Variants in TYW1 observed in about 807,000 individuals in gnomAD.
The protein encoded by TYW1 is S-adenosyl-L-methionine-dependent tRNA 4-demethylwyosine synthase TYW1.
Under a neutral mutation model 96.2 loss-of-function variants are expected in TYW1, and 46 were observed. That is an observed-to-expected ratio of 0.48 (90% confidence interval 0.38 to 0.61). The LOEUF (loss-of-function observed/expected upper bound fraction) is 0.61. Among genes scored for constraint, TYW1 ranks in the 20% least tolerant of loss-of-function variants. TYW1 has a pLI of 0.00. For missense variants in TYW1, 684 were observed against 909.6 expected, an observed-to-expected ratio of 0.75 and a Z score of 3.19; for synonymous variants, 274 against 323.0, an observed-to-expected ratio of 0.85 and a Z score of 1.63.
At chr7:67,066,029 A>C (rs1048876016) in intron 9 of TYW1, among the ~76,000 whole-genome samples, 4 of 118,658 alleles carry the variant, frequency 3.4e-5, no homozygotes, top group East Asian at 3.3e-4. Context: ...ACACACACAC[A>C]CACCCACACC....
chr7:67,001,343 T>C (rs1402269779), intron 3 of TYW1, among the ~76,000 whole-genome samples: 1 of 152,078 alleles, frequency 6.6e-6, no homozygotes, highest in Non-Finnish European at 1.5e-5. Flanking sequence ...TAGTTGATTT[T>C]GGGGTAGATA....
At chr7:67,226,110 T>G (rs1801553512) in intron 15 of TYW1, among the ~76,000 whole-genome samples, 1 of 152,096 alleles carries the variant, frequency 6.6e-6, no homozygotes, top group Non-Finnish European at 1.5e-5. Flanking sequence ...ATGAAAGAGA[T>G]CTCACCTAAC....
chr7:67,109,619 G>A (rs1005780016), intron 12 of TYW1, among the ~76,000 whole-genome samples: 47 of 152,200 alleles, frequency 3.1e-4, no homozygotes, highest in African/African-American at 1.1e-3. Context: ...AGTGGCTCAC[G>A]CCTGTAATCC....
intron 14 of TYW1, among the ~76,000 whole-genome samples, chr7:67,183,634 C>T (rs923055352): frequency 6.6e-6 from 1 of 152,120 alleles, no homozygotes; most frequent in Non-Finnish European, 1.5e-5. Context: ...CCCATCCAAC[C>T]ATCACTCACC....
chr7:67,075,227 T>G (rs1450212643), intron 10 of TYW1, among the ~76,000 whole-genome samples: 1 of 152,218 alleles, frequency 6.6e-6, no homozygotes, highest in Admixed American at 6.5e-5. Context: ...ATATTTACCA[T>G]TGTGTGTCTC....
At position 67,117,573 on chromosome 7, in the gene TYW1, T is replaced by C. The variant is rs778766741; in HGVS notation, c.1653T>C (p.Asp551=). ...LKKIDRPLFK[D]FWQRFLDSLK... is the part of the protein sequence containing the mutation. ...AAATCGACCGCCCACTCTTCAAGGATTTCTGGCAGAGATTCCTTGACAGTT... is the reference window on the plus strand; with the variant it reads ...AAATCGACCGCCCACTCTTCAAGGACTTCTGGCAGAGATTCCTTGACAGTT... The change falls in exon 13 of 16, where the codon GAT becomes GAC. Residue 551 remains aspartate, a synonymous_variant. Transcript: ENST00000359626. 5.6e-6 allele frequency: 9 copies of C among 1,614,044 alleles called. No homozygotes were observed. Among genetic ancestry groups the C allele is most frequent in the Non-Finnish European group, 5.1e-6 (6 of 1,179,970 alleles).
intron 12 of TYW1, among the ~76,000 whole-genome samples, chr7:67,103,024 A>G (rs1355319471): frequency 6.6e-6 from 1 of 152,188 alleles, no homozygotes; most frequent in East Asian, 1.9e-4. Context: ...AAGCAGGCAA[A>G]TTGTGTTGCA....
In TYW1 at chr7:67,055,870, C is replaced by A. The variant is rs746631801; in HGVS notation, c.1138C>A (p.Leu380Ile). ...QLIGSHSGVK[L>I]CRWTKSMLRG... ...GATTGGGAGCCACTCGGGGGTGAAG[C>A]TTTGCAGGTGGACAAAGGTATTTTT... is the stretch of plus-strand genomic sequence containing the variant. The change falls in exon 9 of 16, where the codon CTT becomes ATT. Residue 380 changes from leucine (L) to isoleucine (I), a missense_variant. Transcript: ENST00000359626. The A allele has an allele frequency of 1.2e-6, 2 of 1,612,668 alleles. No homozygotes were observed. The highest frequency in any genetic ancestry group is 1.1e-5 in the South Asian group (1 of 90,886).
At chr7:67,063,896 T>C (rs1168558858) in intron 9 of TYW1, among the ~76,000 whole-genome samples, 3 of 152,270 alleles carry the variant, frequency 2.0e-5, no homozygotes, top group African/African-American at 7.2e-5. Flanking sequence ...CCACTGTGCC[T>C]GGCCGTATTC....
At chr7:67,161,625 A>G (rs1051253426) in intron 13 of TYW1, among the ~76,000 whole-genome samples, 1 of 152,106 alleles carries the variant, frequency 6.6e-6, no homozygotes, top group African/African-American at 2.4e-5. Context: ...TGCAGTGTGG[A>G]TGTCTCAGGA....
At chr7:67,151,617 C>G (rs6966142) in intron 13 of TYW1, among the ~76,000 whole-genome samples, 39,424 of 151,930 alleles carry the variant, frequency 0.26, 5,587 homozygotes, top group African/African-American at 0.38. Context: ...ATTTTGCAAA[C>G]AGGAAACTGG....
rs183577697 is a variant in TYW1 at position 67,128,988 on chromosome 7, C to T, written c.1698+11370C>T. Reference sequence around the variant, plus strand: ...ACAGGTGTGAGCCACCGCGCCCAGTCTAGGTCTCAGTCTTTTAGTGAGGCT... The same window carrying T: ...ACAGGTGTGAGCCACCGCGCCCAGTTTAGGTCTCAGTCTTTTAGTGAGGCT... On this transcript the variant is annotated intron_variant, in intron 13 of 15. Coordinates refer to ENST00000359626, the MANE Select transcript of TYW1 (RefSeq NM_018264.4). Among the ~76,000 whole-genome samples, 403 of 152,302 alleles carry T rather than the reference C, an allele frequency of 2.6e-3. 2 individuals are homozygous for T. The highest frequency in any genetic ancestry group is 2.0e-3 in the Non-Finnish European group (139 of 68,024).
chr7:67,018,230 G>A (rs1239489806), intron 6 of TYW1, 87 bp downstream of exon 6: 21 of 1,508,154 alleles, frequency 1.4e-5, no homozygotes, highest in East Asian at 4.6e-5. Flanking sequence ...AAACCATCTC[G>A]TTGGCTTCTG....
At chr7:67,156,778 T>G (rs942655291) in intron 13 of TYW1, among the ~76,000 whole-genome samples, 6 of 151,698 alleles carry the variant, frequency 4.0e-5, no homozygotes, top group Admixed American at 6.6e-5. Flanking sequence ...GGTGCTGTGA[T>G]GTAGTTGCTT....
chr7:67,075,727 A>G (rs1341863731), intron 10 of TYW1, among the ~76,000 whole-genome samples: 4 of 152,220 alleles, frequency 2.6e-5, no homozygotes, highest in Non-Finnish European at 4.4e-5. Context: ...CGGAGGGAAT[A>G]TGGGGGTTGA....
chr7:67,026,615 A>G (rs1296643642), intron 7 of TYW1, among the ~76,000 whole-genome samples: 1 of 152,108 alleles, frequency 6.6e-6, no homozygotes, highest in Non-Finnish European at 1.5e-5. Flanking sequence ...TGGAAAAAAT[A>G]AACATGGAAT....
rs547411652 is a variant in TYW1, at chr7:67,205,628, T to C, written c.1977+10291T>C. 1.2e-4 allele frequency among the ~76,000 whole-genome samples: 19 copies of C among 152,030 alleles called. 1 individual carries two copies. The highest frequency in any genetic ancestry group is 4.6e-4 in the African/African-American group (19 of 41,480). On this transcript the variant is annotated intron_variant, in intron 15 of 15. Coordinates refer to ENST00000359626, the MANE Select transcript of TYW1 (RefSeq NM_018264.4). Reference sequence around the variant, plus strand: ...AGGAGTCAAGAAGAGTGCCTCATTATAACCAGGTGAAGGTGGGAATCTAGG... The same window carrying C: ...AGGAGTCAAGAAGAGTGCCTCATTACAACCAGGTGAAGGTGGGAATCTAGG...
chr7:67,150,926 CTTACT>C (rs1326880476), intron 13 of TYW1, among the ~76,000 whole-genome samples: 3 of 152,230 alleles, frequency 2.0e-5, no homozygotes, highest in Non-Finnish European at 4.4e-5. Flanking sequence ...CTATTTCAAA[CTTACT>C]TTCTAACACA....
At chr7:67,092,940 C>T (rs1248683119) in intron 11 of TYW1, among the ~76,000 whole-genome samples, 1 of 151,964 alleles carries the variant, frequency 6.6e-6, no homozygotes, top group Non-Finnish European at 1.5e-5. Flanking sequence ...GCCTCAGCCT[C>T]CCAAAGTGCT....
Sources: allele counts gnomAD v4.1 joint callset (sites outside exome capture counted in the v4.1 genomes callset), GRCh38; gene constraint gnomAD v4.1.1; transcripts MANE v1.5; gene names NCBI Gene and HGNC (gene_info 2026-07-23, HGNC 2026-07-21).